KSR2: variants seen among roughly 807,000 people sequenced by gnomAD.
The protein encoded by KSR2 is kinase suppressor of ras 2.
In KSR2, 25 loss-of-function variants were observed where a neutral mutation model predicts 107.8. The ratio of observed to expected loss-of-function variants is 0.23; its 90% CI spans 0.17 to 0.32. KSR2 has a LOEUF of 0.32. KSR2 is among the 10% of genes least tolerant of loss of function. The pLI is 1.00. For synonymous variants in KSR2, 480 were observed against 507.0 expected (o/e 0.95, Z 0.71); for missense variants, 887 against 1,268.9 (o/e 0.70, Z 4.57).
chr12:117,920,904 G>A lies in KSR2; in HGVS notation c.180+47172C>T, dbSNP rs368805423. ...CGGCTAACTCCTGGGTGGCAAACTT[G>A]AGAAAATGTGGACTCGCTGTAGGTA... On this transcript the variant is annotated intron_variant, in intron 1 of 19. Coordinates refer to ENST00000339824, the MANE Select transcript of KSR2 (RefSeq NM_173598.6). Among the ~76,000 whole-genome samples, 6 of 152,156 alleles carry A rather than the reference G, an allele frequency of 3.9e-5. No individual in the cohort carries two copies. The South Asian group carries it at 8.3e-4, about 21-fold the overall frequency.
chr12:117,470,593 C>T (rs1184178417), intron 18 of KSR2, among the ~76,000 whole-genome samples: 1 of 152,220 alleles, frequency 6.6e-6, no homozygotes, highest in African/African-American at 2.4e-5. Context: ...TATCTCAATA[C>T]TATAAGAGCC....
chr12:117,938,387 C>G (rs1895907650), intron 1 of KSR2, among the ~76,000 whole-genome samples: 1 of 151,954 alleles, frequency 6.6e-6, no homozygotes, highest in South Asian at 2.1e-4. Context: ...GGTGTGGGGG[C>G]TCATGCCTGT....
chr12:117,848,586 G>A (rs558290901), intron 3 of KSR2, among the ~76,000 whole-genome samples: 1 of 152,354 alleles, frequency 6.6e-6, no homozygotes, highest in East Asian at 1.9e-4. Flanking sequence ...CAGCAGTGCT[G>A]AGGGAGACCG....
intron 2 of KSR2, among the ~76,000 whole-genome samples, chr12:117,857,939 T>C (rs964793269): frequency 6.6e-5 from 10 of 152,200 alleles, no homozygotes; most frequent in African/African-American, 2.4e-4. Context: ...CCTGGGTCCC[T>C]GGACTCAAGA....
intron 5 of KSR2, among the ~76,000 whole-genome samples, chr12:117,601,456 A>T (rs1183728527): frequency 2.6e-5 from 4 of 152,134 alleles, no homozygotes; most frequent in African/African-American, 9.7e-5. Flanking sequence ...CTAATCCAAG[A>T]CTTCTCAGCA....
At chr12:117,697,806 T>C (rs546116595) in intron 4 of KSR2, among the ~76,000 whole-genome samples, 2 of 148,166 alleles carry the variant, frequency 1.3e-5, no homozygotes, top group East Asian at 4.0e-4. Context: ...TTTCTCAAAA[T>C]ATAGTGAAGT....
chr12:117,544,087 G>A (rs1416466775), intron 9 of KSR2, among the ~76,000 whole-genome samples: 1 of 152,126 alleles, frequency 6.6e-6, no homozygotes. Context: ...ACATTCACAG[G>A]TCCTGGAGGT....
At chr12:117,871,653 T>C (rs1262626991) in intron 1 of KSR2, among the ~76,000 whole-genome samples, 1 of 151,496 alleles carries the variant, frequency 6.6e-6, no homozygotes. Flanking sequence ...AGGTATAGTA[T>C]AACCCTAGTT....
intron 3 of KSR2, among the ~76,000 whole-genome samples, chr12:117,836,629 T>C (rs1354212117): frequency 6.6e-6 from 1 of 152,180 alleles, no homozygotes; most frequent in African/African-American, 2.4e-5. Flanking sequence ...GGCTCAGGAC[T>C]CATATGCCTT....
At chr12:117,815,553 CA>C (rs1891336982) in intron 3 of KSR2, among the ~76,000 whole-genome samples, 1 of 152,040 alleles carries the variant, frequency 6.6e-6, no homozygotes, top group Admixed American at 6.6e-5. Context: ...ATCAAATAGA[CA>C]AAATCATTAT....
At chr12:117,621,627 C>T (rs762299706) in intron 5 of KSR2, among the ~76,000 whole-genome samples, 13 of 152,116 alleles carry the variant, frequency 8.5e-5, no homozygotes, top group Non-Finnish European at 1.6e-4. Flanking sequence ...GTCATCAACA[C>T]AGACCTCCTC....
intron 4 of KSR2, among the ~76,000 whole-genome samples, chr12:117,735,601 A>G (rs1334682361): frequency 6.6e-6 from 1 of 152,192 alleles, no homozygotes; most frequent in Non-Finnish European, 1.5e-5. Flanking sequence ...TCATGCATTT[A>G]AGATACCAGT....
At chr12:117,943,111 C>A (rs1896061568) in intron 1 of KSR2, among the ~76,000 whole-genome samples, 1 of 152,034 alleles carries the variant, frequency 6.6e-6, no homozygotes, top group Non-Finnish European at 1.5e-5. Flanking sequence ...TGAGGAAAAC[C>A]CTCTAAGACT....
At chr12:117,861,543 C>T (rs1375788046) in intron 1 of KSR2, among the ~76,000 whole-genome samples, 1 of 151,792 alleles carries the variant, frequency 6.6e-6, no homozygotes, top group Non-Finnish European at 1.5e-5. Flanking sequence ...CGCCCGCCAC[C>T]ACACCCGGCT....
At position 117,792,359 on chromosome 12, in the gene KSR2, A is replaced by AG. The variant is rs536069572; in HGVS notation, c.473-30836_473-30835insC. Among the ~76,000 whole-genome samples the AG allele has an allele frequency of 1.8e-4, 28 of 151,848 alleles. No individual in the cohort carries two copies. The East Asian group carries it at 4.1e-3, about 22-fold the overall frequency. On this transcript the variant is annotated intron_variant, in intron 3 of 19. Transcript: ENST00000339824. The stretch of plus-strand genomic sequence containing the variant: ...AGTGAGACACTGTCTTTAAAAAAAA[A>AG]AAGAAGAAGAAGAAGAATTGCAGTT...
chr12:117,927,882 TG>T (rs1895578995), intron 1 of KSR2, among the ~76,000 whole-genome samples: 1 of 151,976 alleles, frequency 6.6e-6, no homozygotes, highest in South Asian at 2.1e-4. Flanking sequence ...TACAGCGGAG[TG>T]GCCTCAAGCA....
chr12:117,649,863 A>G (rs895500321), intron 5 of KSR2, among the ~76,000 whole-genome samples: 1 of 152,230 alleles, frequency 6.6e-6, no homozygotes, highest in African/African-American at 2.4e-5. Flanking sequence ...GTACAATGGT[A>G]GAGACACAGC....
At chr12:117,952,608 G>A (rs1487856686) in intron 1 of KSR2, among the ~76,000 whole-genome samples, 3 of 151,906 alleles carry the variant, frequency 2.0e-5, no homozygotes, top group Non-Finnish European at 2.9e-5. Flanking sequence ...CCCGGGAGGC[G>A]GAGGCTACAG....
rs142902512 is a variant in KSR2 at position 117,521,207 on chromosome 12, T to G, written c.2219+3645A>C. ...CAACTTTCCTCTCCTAGGACTCTGG[T>G]GCAGGAAGGTCCAGGTACGCCATCT... On this transcript the variant is annotated intron_variant, in intron 14 of 19. Transcript: ENST00000339824. Among the ~76,000 whole-genome samples, 661 of 152,352 alleles carry G rather than the reference T, an allele frequency of 4.3e-3. 5 individuals are homozygous for G. Among genetic ancestry groups the G allele is most frequent in the African/African-American group, 0.015 (626 of 41,586 alleles).
Sources: gnomAD v4.1 joint callset for allele counts (sites outside exome capture counted in the v4.1 genomes callset) on GRCh38, gnomAD v4.1.1 for gene constraint, MANE v1.5 for transcripts, NCBI Gene and HGNC (gene_info 2026-07-23, HGNC 2026-07-21) for gene names.